Variants in CEP72 observed in about 807,000 individuals in gnomAD.
The protein encoded by CEP72 is centrosomal protein of 72 kDa.
CEP72 carries 78 observed loss-of-function variants against 65.7 expected under a neutral mutation model. The observed-to-expected ratio is 1.19, with a 90% CI of 0.99 to 1.43. CEP72 has a LOEUF of 1.43. Among genes scored for constraint, CEP72 ranks in the 40% most tolerant of loss-of-function variants. The pLI is 0.00. For missense variants in CEP72, 914 were observed against 832.9 expected (o/e 1.10, Z -1.20); for synonymous variants, 358 against 351.7 (o/e 1.02, Z -0.20).
intron 4 of CEP72, among the ~76,000 whole-genome samples, chr5:626,275 G>A (rs1293095234): frequency 6.6e-6 from 1 of 152,078 alleles, no homozygotes; most frequent in African/African-American, 2.4e-5. Flanking sequence ...ATGTTGGGAA[G>A]TCTGGTGAGA....
rs1366550378 is a variant in CEP72, at chr5:653,125, C to T, written c.1916C>T (p.Ala639Val). 2 of 1,611,342 alleles carry T rather than the reference C, an allele frequency of 1.2e-6. No individual in the cohort carries two copies. The highest frequency in any genetic ancestry group is 1.7e-6 in the Non-Finnish European group (2 of 1,179,508). ...ATGGCCCTGTTTCCACACAGCAGCG[C>T]CAGCCATGGAGGCTGCCAGGCCTGC... ...KTMALFPHSS[A>V]SHGGCQAC is the part of the protein sequence containing the mutation. The change falls in exon 12 of 12, where the codon GCC (alanine) becomes GTC (valine). Residue 639 changes from alanine to valine, a missense_variant. Ala to Val is a moderately conservative substitution (Grantham distance 64, BLOSUM62 0). Transcript: ENST00000264935.
chr5:638,417 G>A (rs1737767394), intron 7 of CEP72, among the ~76,000 whole-genome samples: 2 of 152,118 alleles, frequency 1.3e-5, no homozygotes, highest in Admixed American at 1.3e-4. Flanking sequence ...CCACCCAGAA[G>A]GGAACAGGCA....
chr5:673,125 G>A, the CEP72 span, among the ~76,000 whole-genome samples: 6 of 152,122 alleles, frequency 3.9e-5, no homozygotes, highest in African/African-American at 1.5e-4. Flanking sequence ...ACAAGTGACA[G>A]TGGGCACCCC....
chr5:672,956 C>G, the CEP72 span, among the ~76,000 whole-genome samples: 1 of 152,240 alleles, frequency 6.6e-6, no homozygotes, highest in African/African-American at 2.4e-5. Flanking sequence ...CGCAGATACC[C>G]CGAGCTGGCG....
At chr5:663,255 G>C (rs1393554271) in intron 1 of CEP72, 1 of 152,344 alleles carries the variant, frequency 6.6e-6, no homozygotes, top group African/African-American at 2.4e-5. Context: ...GTTTTCAAAT[G>C]TTTCCGCACG....
intron 10 of CEP72, among the ~76,000 whole-genome samples, chr5:644,810 C>G (rs1738307228): frequency 6.6e-6 from 1 of 152,172 alleles, no homozygotes; most frequent in Non-Finnish European, 1.5e-5. Context: ...AGCCTGTTGC[C>G]CAGCGTCTCA....
chr5:613,734 G>A (rs1324175031), intron 1 of CEP72, among the ~76,000 whole-genome samples: 1 of 152,244 alleles, frequency 6.6e-6, no homozygotes, highest in Non-Finnish European at 1.5e-5. Context: ...AGTTGGTGGA[G>A]GTAAGGGCCA....
In CEP72 at chr5:648,011, A is replaced by AG. The variant is rs1240438065; in HGVS notation, c.1778+97dup. On this transcript the variant is annotated intron_variant, in intron 11 of 11. Coordinates refer to ENST00000264935, the MANE Select transcript of CEP72 (RefSeq NM_018140.4). Reference sequence around the variant, plus strand: ...ACTGGGTCACACCCAGAAGGCACAGAGGAGCAGCTCCTCATGAGTCTTGGC... The same window carrying AG: ...ACTGGGTCACACCCAGAAGGCACAGAGGGAGCAGCTCCTCATGAGTCTTGGC... 5.6e-6 allele frequency: 4 copies of AG among 719,140 alleles called. No homozygotes were observed. In the East Asian group the frequency reaches 1.1e-4, roughly 19 times the overall value. The allele number at this position is 719,140 out of a possible 1,614,324, so 44.5% of individuals were successfully genotyped here. A position where few individuals can be genotyped will look rare whatever the true frequency, so the allele number is the denominator to read the frequency against.
intron 9 of CEP72, chr5:641,533 CAG>C (rs1170838424): frequency 2.0e-6 from 2 of 982,374 alleles, no homozygotes; most frequent in African/African-American, 1.8e-5. Context: ...AAGAAAAACA[CAG>C]CAAAACAACA....
rs144784760 is a variant in CEP72 at position 613,916 on chromosome 5, G to A, written c.82+1473G>A. On this transcript the variant is annotated intron_variant, in intron 1 of 11. Transcript: ENST00000264935. ...AGTGGTTAAGGGGAACTGTAACCTC[G>A]TGACAAAATCCAAGTGATCCTGAGG... Among the ~76,000 whole-genome samples the A allele has an allele frequency of 1.5e-3, 233 of 152,340 alleles. 2 individuals are homozygous for A. The highest frequency in any genetic ancestry group is 0.014 in the Middle Eastern group (4 of 294).
chr5:641,450 C>G, intron 9 of CEP72: 2 of 985,468 alleles, frequency 2.0e-6, no homozygotes, highest in Non-Finnish European at 2.4e-6. Context: ...CTGAACTTGT[C>G]TGACAAGTAC....
intron 9 of CEP72, chr5:643,288 G>T: frequency 1.0e-6 from 1 of 985,438 alleles, no homozygotes; most frequent in Non-Finnish European, 1.2e-6. Context: ...ACCATGAGAC[G>T]TGGCACTGCC....
chr5:651,918 C>T (rs1387246860), intron 11 of CEP72, among the ~76,000 whole-genome samples: 1 of 151,974 alleles, frequency 6.6e-6, no homozygotes, highest in East Asian at 1.9e-4. Flanking sequence ...CTGGGTTCGA[C>T]CACAGTCTGG....
intron 11 of CEP72, among the ~76,000 whole-genome samples, chr5:652,579 T>C (rs1739179142): frequency 6.6e-6 from 1 of 152,216 alleles, no homozygotes; most frequent in Admixed American, 6.5e-5. Context: ...AAAATTATTA[T>C]ATTTGACTGG....
intron 3 of CEP72, among the ~76,000 whole-genome samples, chr5:622,412 G>A (rs971562948): frequency 5.9e-5 from 9 of 152,250 alleles, no homozygotes; most frequent in East Asian, 1.9e-4. Flanking sequence ...TGGCAGCATC[G>A]GATGGGAGGG....
At chr5:622,713 C>T (rs181910762) in intron 3 of CEP72, among the ~76,000 whole-genome samples, 21 of 152,342 alleles carry the variant, frequency 1.4e-4, no homozygotes, top group African/African-American at 5.1e-4. Flanking sequence ...CTGTGCCTGA[C>T]ACTCTTCCCC....
chr5:637,197 C>T (rs1444640631), intron 6 of CEP72, among the ~76,000 whole-genome samples: 3 of 152,218 alleles, frequency 2.0e-5, no homozygotes, highest in East Asian at 1.9e-4. Context: ...GCGTACTGCA[C>T]GTCGGTCATC....
downstream of CEP72, among the ~76,000 whole-genome samples, chr5:670,630 A>G (rs3828569): frequency 0.13 from 19,106 of 152,058 alleles, 1,317 homozygotes; most frequent in South Asian, 0.23. Context: ...CCTGTCTGGC[A>G]TCGCCATCCT....
At chr5:628,154 G>A (rs1241817711) in intron 4 of CEP72, among the ~76,000 whole-genome samples, 3 of 152,232 alleles carry the variant, frequency 2.0e-5, no homozygotes, top group African/African-American at 7.2e-5. Flanking sequence ...TCGTCTTTGT[G>A]GACATTCAGA....
Sources: gnomAD v4.1 joint callset for allele counts (sites outside exome capture counted in the v4.1 genomes callset) on GRCh38, gnomAD v4.1.1 for gene constraint, MANE v1.5 for transcripts, NCBI Gene and HGNC (gene_info 2026-07-23, HGNC 2026-07-21) for gene names.